The following TMOD2 variants were observed in gnomAD, a reference collection of about 807,000 sequenced individuals.
TMOD2 encodes the protein tropomodulin-2.
TMOD2 carries 22 observed loss-of-function variants against 39.9 expected under a neutral mutation model. The ratio of observed to expected loss-of-function variants is 0.55; its 90% CI spans 0.39 to 0.79. The LOEUF (loss-of-function observed/expected upper bound fraction) is 0.79. Ranked by LOEUF, TMOD2 falls within the 30% of genes least tolerant of loss-of-function variation. TMOD2 has a pLI of 0.00. For missense variants in TMOD2, 386 were observed against 413.3 expected (o/e 0.93, Z 0.57); for synonymous variants, 123 against 146.1 (o/e 0.84, Z 1.14).
At chr15:51,768,192 G>A (rs1292896000) in intron 2 of TMOD2, 70 bp from the exon 3 acceptor site, 1 of 1,565,166 alleles carries the variant, frequency 6.4e-7, no homozygotes, top group Non-Finnish European at 8.8e-7. Flanking sequence ...GTGAGTGGGG[G>A]TGGAAGAGGA....
chr15:51,774,004 A>C (rs996625709), intron 4 of TMOD2, among the ~76,000 whole-genome samples, 170 bp downstream of exon 4: 3 of 152,222 alleles, frequency 2.0e-5, no homozygotes. Context: ...TCTCTGAGCA[A>C]ATGTTATTTT....
intron 1 of TMOD2, among the ~76,000 whole-genome samples, chr15:51,758,723 G>C (rs568892386): frequency 7.9e-5 from 12 of 152,332 alleles, no homozygotes; most frequent in African/African-American, 2.6e-4. Flanking sequence ...CATGGAGATG[G>C]GGAGTGACCC....
chr15:51,770,291 A>G (rs887865038), intron 3 of TMOD2, among the ~76,000 whole-genome samples: 2 of 152,108 alleles, frequency 1.3e-5, no homozygotes, highest in African/African-American at 4.8e-5. Context: ...TCTCAGCTTA[A>G]ATTTCAGGGC....
chr15:51,760,531 G>A (rs778589804), intron 1 of TMOD2, among the ~76,000 whole-genome samples: 1 of 152,220 alleles, frequency 6.6e-6, no homozygotes, highest in Non-Finnish European at 1.5e-5. Context: ...TGGGCTGGGC[G>A]TGGTGGCTCA....
chr15:51,804,554 C>A (rs17649208), intron 8 of TMOD2, among the ~76,000 whole-genome samples: 4 of 150,486 alleles, frequency 2.7e-5, no homozygotes, highest in Non-Finnish European at 5.9e-5. Flanking sequence ...CAAGCCTGTA[C>A]GTTTTGTTTT....
chr15:51,796,906 G>A (rs928443962), intron 7 of TMOD2, among the ~76,000 whole-genome samples: 1 of 152,162 alleles, frequency 6.6e-6, no homozygotes, highest in Non-Finnish European at 1.5e-5. Context: ...GGCTCATCCA[G>A]CCATGACGAT....
intron 1 of TMOD2, among the ~76,000 whole-genome samples, chr15:51,759,722 A>G (rs1206117825): frequency 1.3e-5 from 2 of 152,244 alleles, no homozygotes; most frequent in Non-Finnish European, 2.9e-5. Context: ...AAGTAATATT[A>G]ATGTATCAGC....
At chr15:51,787,568 C>T (rs1013322459) in intron 7 of TMOD2, among the ~76,000 whole-genome samples, 4 of 152,236 alleles carry the variant, frequency 2.6e-5, no homozygotes, top group African/African-American at 4.8e-5. Flanking sequence ...CCCTGACCCC[C>T]GTGTAGCCTG....
Position 51,812,262 on chromosome 15 carries a change from G to A in TMOD2, c.*3808G>A, listed in dbSNP as rs1469695781. ...TACTCCTCAAACCAATTTCCCTAAG[G>A]GAAGACTGGCACACCAGCCCAAAGA... On this transcript the variant is annotated 3_prime_UTR_variant, in exon 10 of 10. Coordinates refer to ENST00000249700, the MANE Select transcript of TMOD2 (RefSeq NM_014548.4). 1 of 152,080 alleles carries A rather than the reference G, an allele frequency of 6.6e-6. No homozygotes were observed. 9.4% of individuals were successfully genotyped at this position (152,080 alleles called of 1,614,324 possible).
chr15:51,774,026 G>A (rs1339792868), intron 4 of TMOD2, among the ~76,000 whole-genome samples, 192 bp downstream of exon 4: 1 of 152,180 alleles, frequency 6.6e-6, no homozygotes, highest in Non-Finnish European at 1.5e-5. Flanking sequence ...CTCTATTTCA[G>A]CAGCAAATAA....
intron 7 of TMOD2, among the ~76,000 whole-genome samples, chr15:51,796,143 G>A (rs2056050124): frequency 1.3e-5 from 2 of 151,964 alleles, no homozygotes; most frequent in Admixed American, 6.6e-5. Context: ...TTCTCCTGCA[G>A]TTGTATCTAT....
intron 1 of TMOD2, among the ~76,000 whole-genome samples, chr15:51,762,825 C>G (rs1372944907): frequency 1.3e-5 from 2 of 152,156 alleles, no homozygotes; most frequent in African/African-American, 4.8e-5. Flanking sequence ...GGTCTTCTTT[C>G]TCTCATTATA....
chr15:51,798,455 A>G, intron 8 of TMOD2, 115 bp downstream of exon 8: 1 of 1,274,734 alleles, frequency 7.8e-7, no homozygotes. Context: ...AATTTGATGT[A>G]CTGGATTTCC....
intron 8 of TMOD2, among the ~76,000 whole-genome samples, chr15:51,802,061 G>T (rs1450564110): frequency 2.0e-5 from 3 of 151,480 alleles, no homozygotes; most frequent in Admixed American, 6.6e-5. Flanking sequence ...TATTGTCCTG[G>T]GTTTATGTAA....
At chr15:51,785,978 T>C (rs1388893584) in intron 7 of TMOD2, among the ~76,000 whole-genome samples, 2 of 152,174 alleles carry the variant, frequency 1.3e-5, no homozygotes, top group Non-Finnish European at 2.9e-5. Context: ...ACATTTTTAA[T>C]TTATTTGGTA....
intron 7 of TMOD2, among the ~76,000 whole-genome samples, chr15:51,785,943 A>T (rs933005327): frequency 2.0e-5 from 3 of 152,198 alleles, no homozygotes; most frequent in African/African-American, 7.2e-5. Context: ...TCACTAAAAC[A>T]TTTTAAATTT....
chr15:51,759,966 C>T (rs765366127), intron 1 of TMOD2, among the ~76,000 whole-genome samples: 17 of 152,222 alleles, frequency 1.1e-4, no homozygotes, highest in Admixed American at 6.5e-5. Context: ...TCCCCCTCCC[C>T]TGCTCTCCAG....
intron 8 of TMOD2, among the ~76,000 whole-genome samples, chr15:51,799,774 G>C (rs1450147676): frequency 6.6e-6 from 1 of 152,184 alleles, no homozygotes. Flanking sequence ...GGAGAGAACA[G>C]AAGTGATCAC....
Position 51,768,318 on chromosome 15 carries a change from C to T in TMOD2, c.183C>T (p.Thr61=), listed in dbSNP as rs764358475. ...AAGACCAGACACAGAAGGCAGCCACCGGCCCCTTTGACCGCGAGCACCTCC... is the reference window on the plus strand; with the variant it reads ...AAGACCAGACACAGAAGGCAGCCACTGGCCCCTTTGACCGCGAGCACCTCC... ...RQKDQTQKAA[T]GPFDREHLLM... The change falls in exon 3 of 10, where the codon ACC becomes ACT. Residue 61 remains threonine, a synonymous_variant. Transcript: ENST00000249700. 60 of 1,614,056 alleles carry T rather than the reference C, an allele frequency of 3.7e-5. No individual in the cohort carries two copies. In the South Asian group the frequency reaches 4.2e-4, roughly 11 times the overall value.
Sources: gnomAD v4.1 joint callset for allele counts (sites outside exome capture counted in the v4.1 genomes callset) on GRCh38, gnomAD v4.1.1 for gene constraint, MANE v1.5 for transcripts, NCBI Gene and HGNC (gene_info 2026-07-23, HGNC 2026-07-21) for gene names.